DOCK2: variants seen among roughly 807,000 people sequenced by gnomAD.
DOCK2 encodes dedicator of cytokinesis protein 2.
Under a neutral mutation model 248.9 loss-of-function variants are expected in DOCK2, and 87 were observed. The observed-to-expected ratio is 0.35, with a 90% CI of 0.29 to 0.42. DOCK2 has a LOEUF of 0.42. Among genes scored for constraint, DOCK2 ranks in the 10% least tolerant of loss-of-function variants. The probability of loss-of-function intolerance (pLI) is 1.00; values close to 1 mark genes in which losing one functional copy is unlikely to be tolerated. For missense variants in DOCK2, 1,747 were observed against 2,300.2 expected (o/e 0.76, Z 4.92); for synonymous variants, 805 against 821.6 (o/e 0.98, Z 0.35).
intron 22 of DOCK2, among the ~76,000 whole-genome samples, chr5:169,733,171 T>G (rs1477437569): frequency 6.6e-6 from 1 of 152,108 alleles, no homozygotes; most frequent in Non-Finnish European, 1.5e-5. Flanking sequence ...GGGATTGTTT[T>G]CAATTTCCTC....
At chr5:169,741,277 T>C (rs1001470868) in intron 22 of DOCK2, among the ~76,000 whole-genome samples, 1 of 152,180 alleles carries the variant, frequency 6.6e-6, no homozygotes, top group African/African-American at 2.4e-5. Context: ...AAGGGAACCG[T>C]CTCTTTCACG....
chr5:170,048,608 C>G (rs1159382065), intron 40 of DOCK2, among the ~76,000 whole-genome samples: 1 of 152,198 alleles, frequency 6.6e-6, no homozygotes, highest in African/African-American at 2.4e-5. Context: ...GTTGCGATCA[C>G]ACATCACGCA....
intron 27 of DOCK2, among the ~76,000 whole-genome samples, chr5:169,894,947 C>T (rs148200708): frequency 6.6e-6 from 1 of 152,296 alleles, no homozygotes; most frequent in African/African-American, 2.4e-5. Flanking sequence ...GTTGTGGCCC[C>T]CCGTGAGGTC....
chr5:170,063,458 C>A (rs1220151419), intron 44 of DOCK2, among the ~76,000 whole-genome samples: 1 of 152,138 alleles, frequency 6.6e-6, no homozygotes, highest in Non-Finnish European at 1.5e-5. Context: ...AAATTAACAG[C>A]TCCCATTTTC....
chr5:169,928,516 G>A (rs1775586016), intron 27 of DOCK2, among the ~76,000 whole-genome samples: 1 of 152,200 alleles, frequency 6.6e-6, no homozygotes, highest in African/African-American at 2.4e-5. Flanking sequence ...CAAGTTACGG[G>A]AGTAACCTTG....
intron 6 of DOCK2, among the ~76,000 whole-genome samples, chr5:169,678,723 G>T (rs893124021): frequency 6.6e-6 from 1 of 152,174 alleles, no homozygotes; most frequent in Admixed American, 6.6e-5. Context: ...CTTGACTGCT[G>T]TATTCTACTG....
In DOCK2 at chr5:170,065,476, C is replaced by CAA. The variant is rs1554129593; in HGVS notation, c.4468-2028_4468-2027dup. Among the ~76,000 whole-genome samples the CAA allele has an allele frequency of 3.3e-4, 47 of 144,390 alleles. 1 individual carries two copies. The South Asian group carries it at 8.9e-3, about 27-fold the overall frequency. The allele number at this position is 144,390 out of a possible 152,430, so 94.7% of individuals were successfully genotyped here. ...GAATAGAGTGACTGAACAACAACAA[C>CAA]AAAAAAACCTAATGATATTGTATAT... On this transcript the variant is annotated intron_variant, in intron 44 of 51. Transcript: ENST00000520908.
chr5:169,950,168 T>C (rs1463944479), intron 27 of DOCK2, among the ~76,000 whole-genome samples: 1 of 152,044 alleles, frequency 6.6e-6, no homozygotes, highest in African/African-American at 2.4e-5. Flanking sequence ...GGAGCCATCG[T>C]GGAAGGTGGT....
At chr5:170,031,295 G>T (rs1756128461) in intron 34 of DOCK2, among the ~76,000 whole-genome samples, 1 of 152,190 alleles carries the variant, frequency 6.6e-6, no homozygotes, top group Non-Finnish European at 1.5e-5. Flanking sequence ...TCATTTCAAG[G>T]AATGAAAGAA....
At chr5:169,819,797 G>A (rs556822578) in intron 26 of DOCK2, among the ~76,000 whole-genome samples, 17 of 152,322 alleles carry the variant, frequency 1.1e-4, no homozygotes, top group African/African-American at 4.1e-4. Context: ...GCAGCACACC[G>A]AGCGTGCGCT....
At chr5:170,057,934 G>T (rs1341646731) in intron 44 of DOCK2, among the ~76,000 whole-genome samples, 1 of 152,026 alleles carries the variant, frequency 6.6e-6, no homozygotes, top group Non-Finnish European at 1.5e-5. Context: ...GCTTCTGTTG[G>T]GTGGGTGGGG....
intron 45 of DOCK2, 60 bp downstream of exon 45, chr5:170,067,746 A>T (rs1757543699): frequency 1.9e-6 from 3 of 1,573,184 alleles, no homozygotes; most frequent in East Asian, 4.5e-5. Flanking sequence ...TGGTGGGAGG[A>T]CCCAGGGGGC....
In DOCK2 at chr5:169,674,353, G is replaced by A. The variant is rs1349772062; in HGVS notation, c.378G>A (p.Glu126=). 6.2e-7 allele frequency: 1 copy of A among 1,614,182 alleles called. No individual in the cohort carries two copies. Among genetic ancestry groups the A allele is most frequent in the Non-Finnish European group, 8.5e-7 (1 of 1,180,016 alleles). ...QVQSMMYDLM[E]WRSQLLSGTL... is the part of the protein sequence containing the mutation. ...AGTCCATGATGTACGATCTGATGGAGTGGAGGTCCCAGCTTCTCTCAGGAA... is the reference window on the plus strand; with the variant it reads ...AGTCCATGATGTACGATCTGATGGAATGGAGGTCCCAGCTTCTCTCAGGAA... The change falls in exon 6 of 52, where the codon GAG becomes GAA. Residue 126 remains glutamate (E), a synonymous_variant. Coordinates refer to ENST00000520908, the MANE Select transcript of DOCK2 (RefSeq NM_004946.3).
intron 34 of DOCK2, among the ~76,000 whole-genome samples, chr5:170,031,868 G>A (rs1402392897): frequency 6.6e-6 from 1 of 152,134 alleles, no homozygotes; most frequent in East Asian, 1.9e-4. Context: ...TCCAAGTGTG[G>A]TCCATTGACC....
intron 33 of DOCK2, among the ~76,000 whole-genome samples, chr5:170,025,848 T>TTTCCTTCCTTCCTTCCTTCC (rs142164505): frequency 4.7e-5 from 3 of 63,430 alleles, no homozygotes; most frequent in Non-Finnish European, 9.0e-5. Flanking sequence ...TCCTTCCTTC[T>TTTCCTTCCTTCCTTCCTTCC]TTCCTTCCTT....
At chr5:169,904,244 C>T (rs1263628324) in intron 27 of DOCK2, among the ~76,000 whole-genome samples, 1 of 152,154 alleles carries the variant, frequency 6.6e-6, no homozygotes, top group Non-Finnish European at 1.5e-5. Context: ...GACAGTACTG[C>T]TTGGCTTCAA....
chr5:169,639,803 G>A (rs1043888180), intron 1 of DOCK2, among the ~76,000 whole-genome samples: 6 of 152,224 alleles, frequency 3.9e-5, no homozygotes, highest in Admixed American at 3.3e-4. Context: ...AAAATTAGGA[G>A]TTCTCTTCAT....
chr5:170,015,992 A>G lies in DOCK2; in HGVS notation c.3233-2968A>G, dbSNP rs1028585193. ...TCCTCAGTGCCCTCAGATCCTTTGCATTTTACCCTACAGTCCACTCCTGGG... is the reference window on the plus strand; with the variant it reads ...TCCTCAGTGCCCTCAGATCCTTTGCGTTTTACCCTACAGTCCACTCCTGGG... On this transcript the variant is annotated intron_variant, in intron 32 of 51. Coordinates refer to ENST00000520908, the MANE Select transcript of DOCK2 (RefSeq NM_004946.3). 1.8e-4 allele frequency among the ~76,000 whole-genome samples: 26 copies of G among 146,430 alleles called. 1 individual carries two copies. Among genetic ancestry groups the G allele is most frequent in the African/African-American group, 6.6e-4 (26 of 39,308 alleles).
intron 40 of DOCK2, among the ~76,000 whole-genome samples, chr5:170,048,118 A>T (rs1756780225): frequency 6.6e-6 from 1 of 152,218 alleles, no homozygotes; most frequent in Non-Finnish European, 1.5e-5. Context: ...TGGTCCAGGC[A>T]TGGTGGCTGA....
Sources: gnomAD v4.1 joint callset for allele counts (sites outside exome capture counted in the v4.1 genomes callset) on GRCh38, gnomAD v4.1.1 for gene constraint, MANE v1.5 for transcripts, NCBI Gene and HGNC (gene_info 2026-07-23, HGNC 2026-07-21) for gene names.